TEX9: variants seen among roughly 807,000 people sequenced by gnomAD.
TEX9 encodes testis expressed 9.
A neutral mutation model predicts 59.6 loss-of-function variants in TEX9; 74 were observed. The observed-to-expected ratio is 1.24, with a 90% CI of 1.03 to 1.51. The LOEUF (loss-of-function observed/expected upper bound fraction) is 1.51. Among genes scored for constraint, TEX9 ranks in the 40% most tolerant of loss-of-function variants. The pLI is 0.00. For synonymous variants in TEX9, 186 were observed against 152.2 expected, an observed-to-expected ratio of 1.22 and a Z score of -1.64; for missense variants, 522 against 447.8, an observed-to-expected ratio of 1.17 and a Z score of -1.49.
chr15:56,375,866 A>G (rs1422131627), intron 3 of TEX9, among the ~76,000 whole-genome samples: 1 of 151,262 alleles, frequency 6.6e-6, no homozygotes, highest in Non-Finnish European at 1.5e-5. Context: ...TGTGGCACAT[A>G]TACACCATGG....
Position 56,386,555 on chromosome 15 carries a change from T to C in TEX9, c.264-1917T>C, listed in dbSNP as rs554155901. The stretch of plus-strand genomic sequence containing the variant: ...GAAGTTAATATGTGTTGCTTTTGAG[T>C]ATTTTTTAAGTACATCAATTACACA... On this transcript the variant is annotated intron_variant, in intron 4 of 12. Transcript: ENST00000352903. Among the ~76,000 whole-genome samples, 299 of 152,110 alleles carry C rather than the reference T, an allele frequency of 2.0e-3. 3 individuals carry two copies. Among genetic ancestry groups the C allele is most frequent in the African/African-American group, 7.0e-3 (291 of 41,516 alleles).
chr15:56,309,981 G>C (rs2045572311), intron 1 of TEX9, among the ~76,000 whole-genome samples: 2 of 152,066 alleles, frequency 1.3e-5, no homozygotes, highest in African/African-American at 4.8e-5. Flanking sequence ...TCAAACTTAG[G>C]CTCCTGCCCT....
intron 1 of TEX9, among the ~76,000 whole-genome samples, chr15:56,264,349 A>C (rs189110685): frequency 6.6e-6 from 1 of 152,274 alleles, no homozygotes; most frequent in African/African-American, 2.4e-5. Flanking sequence ...ACACCTTTTT[A>C]TGTCCCTATA....
At chr15:56,416,839 G>T (rs1276439907) in intron 10 of TEX9, among the ~76,000 whole-genome samples, 2 of 151,696 alleles carry the variant, frequency 1.3e-5, no homozygotes, top group Non-Finnish European at 2.9e-5. Context: ...TGGGTCCCAG[G>T]CTTTTTTTGA....
chr15:56,322,446 T>C (rs1400587986), intron 1 of TEX9, among the ~76,000 whole-genome samples: 1 of 152,116 alleles, frequency 6.6e-6, no homozygotes, highest in Non-Finnish European at 1.5e-5. Context: ...GGAAGAGTTT[T>C]AGTGTGGAAG....
At chr15:56,386,968 T>A (rs1485286617) in intron 4 of TEX9, among the ~76,000 whole-genome samples, 4 of 151,926 alleles carry the variant, frequency 2.6e-5, no homozygotes, top group Non-Finnish European at 4.4e-5. Flanking sequence ...ATAATTATAA[T>A]TAGGAAGAAT....
chr15:56,336,003 A>T (rs977535544), intron 1 of TEX9, among the ~76,000 whole-genome samples: 1 of 152,192 alleles, frequency 6.6e-6, no homozygotes. Flanking sequence ...GCATTTATTT[A>T]CATTTATGGA....
chr15:56,378,165 A>G (rs867088476), intron 3 of TEX9, among the ~76,000 whole-genome samples: 1 of 152,098 alleles, frequency 6.6e-6, no homozygotes, highest in African/African-American at 2.4e-5. Context: ...TTCGTTAGAG[A>G]TATTGGCATG....
intron 1 of TEX9, among the ~76,000 whole-genome samples, chr15:56,343,273 A>G (rs2141839197): frequency 6.6e-6 from 1 of 152,252 alleles, no homozygotes; most frequent in African/African-American, 2.4e-5. Context: ...TTAGCCTTAA[A>G]TATATCTAGA....
chr15:56,284,928 A>G (rs1211441477), intron 1 of TEX9, among the ~76,000 whole-genome samples: 7 of 152,140 alleles, frequency 4.6e-5, no homozygotes, highest in African/African-American at 1.7e-4. Flanking sequence ...TAATCATGTT[A>G]GATTTGTTGA....
chr15:56,413,683 ATAATG>A (rs1340104430), intron 10 of TEX9, among the ~76,000 whole-genome samples: 1 of 151,798 alleles, frequency 6.6e-6, no homozygotes, highest in Non-Finnish European at 1.5e-5. Context: ...TTCACTTAAC[ATAATG>A]TTAAGTGACT....
chr15:56,389,274 G>A (rs1455958457), intron 5 of TEX9, 44 bp from the exon 6 acceptor site: 13 of 1,487,416 alleles, frequency 8.7e-6, no homozygotes, highest in Non-Finnish European at 1.2e-5. Context: ...TTTGGCAAAT[G>A]ATTAGACTCT....
intron 3 of TEX9, among the ~76,000 whole-genome samples, chr15:56,381,931 C>T (rs1256811782): frequency 6.6e-6 from 1 of 152,214 alleles, no homozygotes; most frequent in South Asian, 2.1e-4. Flanking sequence ...GGTTTGTGTC[C>T]TTCCCTTCAG....
the TEX9 span, among the ~76,000 whole-genome samples, chr15:56,454,327 C>T: frequency 6.6e-6 from 1 of 151,850 alleles, no homozygotes; most frequent in Non-Finnish European, 1.5e-5. Context: ...GTATCCATCC[C>T]CTCAAGCATT....
intron 1 of TEX9, among the ~76,000 whole-genome samples, chr15:56,258,891 A>T (rs1289396471): frequency 2.0e-5 from 3 of 149,958 alleles, no homozygotes; most frequent in Non-Finnish European, 4.4e-5. Context: ...GATATATATG[A>T]ATATATATGT....
chr15:56,401,348 T>G (rs1479095098), intron 9 of TEX9, among the ~76,000 whole-genome samples: 1 of 134,328 alleles, frequency 7.4e-6, no homozygotes, highest in Non-Finnish European at 1.6e-5. Flanking sequence ...GTTGCAATCC[T>G]AGCCTCTGAC....
chr15:56,429,057 T>C, intron 12 of TEX9: 1 of 1,262,656 alleles, frequency 7.9e-7, no homozygotes, highest in Non-Finnish European at 1.1e-6. Context: ...TGACATCTAG[T>C]GGTAACATGC....
chr15:56,359,588 C>T (rs1233045467), intron 1 of TEX9, among the ~76,000 whole-genome samples: 4 of 152,090 alleles, frequency 2.6e-5, no homozygotes, highest in Admixed American at 2.6e-4. Flanking sequence ...TCTATGTATA[C>T]ACAAATTTTG....
At chr15:56,449,375 T>C (rs1596265529), downstream of TEX9, among the ~76,000 whole-genome samples, 1 of 151,804 alleles carries the variant, frequency 6.6e-6, no homozygotes, top group Non-Finnish European at 1.5e-5. Flanking sequence ...TTTCTAATCA[T>C]ATAATTGTTA....
Sources: allele counts gnomAD v4.1 joint callset (sites outside exome capture counted in the v4.1 genomes callset), GRCh38; gene constraint gnomAD v4.1.1; transcripts MANE v1.5; gene names NCBI Gene and HGNC (gene_info 2026-07-23, HGNC 2026-07-21).